The following TRAF5 variants were observed in gnomAD, a reference collection of about 807,000 sequenced individuals.
TRAF5 encodes TNF receptor associated factor 5.
TRAF5 carries 48 observed loss-of-function variants against 64.5 expected under a neutral mutation model. That is an observed-to-expected ratio of 0.74 (90% CI 0.59 to 0.95). The LOEUF (loss-of-function observed/expected upper bound fraction) is 0.95. TRAF5 is among the 40% of genes least tolerant of loss of function. The pLI, the probability that TRAF5 is intolerant of heterozygous loss-of-function variation, is 0.00. For missense variants in TRAF5, 545 were observed against 662.8 expected (o/e 0.82, Z 1.95); for synonymous variants, 206 against 240.5 (o/e 0.86, Z 1.33).
intron 1 of TRAF5, among the ~76,000 whole-genome samples, chr1:211,333,567 G>A (rs555821007): frequency 6.6e-5 from 10 of 151,992 alleles, no homozygotes; most frequent in South Asian, 6.2e-4. Flanking sequence ...GTGCAATCTC[G>A]GGTCACTGCA....
intron 1 of TRAF5, among the ~76,000 whole-genome samples, chr1:211,343,553 C>T (rs1702504540): frequency 6.6e-6 from 1 of 152,146 alleles, no homozygotes; most frequent in African/African-American, 2.4e-5. Context: ...TCCGGAATGG[C>T]TGGGATTACA....
intron 1 of TRAF5, among the ~76,000 whole-genome samples, chr1:211,334,398 C>T (rs2102712192): frequency 6.6e-6 from 1 of 152,348 alleles, no homozygotes; most frequent in Admixed American, 6.5e-5. Flanking sequence ...GTGGCTCATG[C>T]CTGTAATCCC....
At chr1:211,364,616 G>A (rs1703288409) in intron 7 of TRAF5, among the ~76,000 whole-genome samples, 1 of 152,090 alleles carries the variant, frequency 6.6e-6, no homozygotes, top group African/African-American at 2.4e-5. Flanking sequence ...AACCCAGGAG[G>A]TGGAGGTTGC....
chr1:211,331,004 CATG>C (rs1702141795), intron 1 of TRAF5, among the ~76,000 whole-genome samples: 1 of 152,178 alleles, frequency 6.6e-6, no homozygotes, highest in African/African-American at 2.4e-5. Flanking sequence ...GAATCTTCAC[CATG>C]ATGTTTCAGA....
At chr1:211,336,113 CTA>C (rs1294601885) in intron 1 of TRAF5, among the ~76,000 whole-genome samples, 1 of 152,082 alleles carries the variant, frequency 6.6e-6, no homozygotes, top group Non-Finnish European at 1.5e-5. Context: ...TGGCTTTGTG[CTA>C]TGTTATTGTG....
rs781584528 is a variant in TRAF5 at position 211,373,243 on chromosome 1, C to A, written c.*541C>A. The A allele has an allele frequency of 3.9e-5, 6 of 152,108 alleles. No homozygotes were observed. Among genetic ancestry groups the A allele is most frequent in the Non-Finnish European group, 7.3e-5 (5 of 68,102 alleles). The allele number at this position is 152,108 out of a possible 1,614,324, so 9.4% of individuals were successfully genotyped here. A position where few individuals can be genotyped will look rare whatever the true frequency, so the allele number is the denominator to read the frequency against. ...TGCTAAATATATGAAAATTACTATA[C>A]CTCTAAGTATTTTCATGAAATTCAC... is the stretch of plus-strand genomic sequence containing the variant. On this transcript the variant is annotated 3_prime_UTR_variant, in exon 11 of 11. Coordinates refer to ENST00000261464, the MANE Select transcript of TRAF5 (RefSeq NM_001033910.3).
In TRAF5 at chr1:211,372,372, G is replaced by A. The variant is rs1327059723; in HGVS notation, c.1344G>A (p.Leu448=). The A allele has an allele frequency of 1.2e-6, 2 of 1,614,156 alleles. No homozygotes were observed. Among genetic ancestry groups the A allele is most frequent in the African/African-American group, 1.3e-5 (1 of 75,042 alleles). Reference sequence around the variant, plus strand: ...ACCGGCTCTGTGCTAGAGCATACCTGAATGGGGATGGGTCAGGGAGGGGGT... The same window carrying A: ...ACCGGCTCTGTGCTAGAGCATACCTAAATGGGGATGGGTCAGGGAGGGGGT... ...CGYRLCARAY[L]NGDGSGRGSH... The change falls in exon 11 of 11, where the codon CTG becomes CTA. Residue 448 remains leucine (L), a synonymous_variant. Coordinates refer to ENST00000261464, the MANE Select transcript of TRAF5 (RefSeq NM_001033910.3).
intron 7 of TRAF5, among the ~76,000 whole-genome samples, chr1:211,362,788 C>T (rs1393711707): frequency 2.0e-5 from 3 of 152,078 alleles, no homozygotes; most frequent in South Asian, 2.1e-4. Context: ...TTTAAAACTT[C>T]TGTATGATTT....
intron 1 of TRAF5, among the ~76,000 whole-genome samples, chr1:211,349,082 C>T (rs916147253): frequency 6.6e-6 from 1 of 150,548 alleles, no homozygotes; most frequent in African/African-American, 2.4e-5. Context: ...GTGGCACGCA[C>T]CTGTAGTCCT....
At chr1:211,357,854 A>ATC (rs1572080091) in intron 4 of TRAF5, 1 of 151,976 alleles carries the variant, frequency 6.6e-6, no homozygotes, top group East Asian at 1.9e-4. Flanking sequence ...TAATAATAAT[A>ATC]ATCATCATCA....
intron 1 of TRAF5, among the ~76,000 whole-genome samples, chr1:211,349,331 T>C (rs1267591391): frequency 6.6e-6 from 1 of 152,212 alleles, no homozygotes; most frequent in African/African-American, 2.4e-5. Context: ...GGCTGAGAAG[T>C]CCACAATCAA....
chr1:211,348,390 T>C (rs1471397692), intron 1 of TRAF5, among the ~76,000 whole-genome samples: 2 of 152,238 alleles, frequency 1.3e-5, no homozygotes, highest in African/African-American at 4.8e-5. Context: ...TGAATAGATA[T>C]AATTTGCGTA....
intron 1 of TRAF5, among the ~76,000 whole-genome samples, chr1:211,328,583 T>C (rs1702079186): frequency 6.6e-6 from 1 of 151,912 alleles, no homozygotes; most frequent in Non-Finnish European, 1.5e-5. Context: ...TGCCGTCCAC[T>C]GAACGTCCTG....
At chr1:211,335,142 T>C (rs1416043019) in intron 1 of TRAF5, among the ~76,000 whole-genome samples, 1 of 152,144 alleles carries the variant, frequency 6.6e-6, no homozygotes, top group East Asian at 1.9e-4. Flanking sequence ...TCTAAGGCAG[T>C]GAGTGAGCTG....
intron 9 of TRAF5, 134 bp downstream of exon 9, chr1:211,369,726 C>A: frequency 2.0e-6 from 2 of 1,002,016 alleles, no homozygotes; most frequent in African/African-American, 1.7e-5. Flanking sequence ...GCAAAGAACA[C>A]TTGTATAACC....
intron 1 of TRAF5, among the ~76,000 whole-genome samples, chr1:211,352,027 C>T (rs1322815651): frequency 6.6e-6 from 1 of 152,056 alleles, no homozygotes; most frequent in Non-Finnish European, 1.5e-5. Context: ...GGCTGAGCCA[C>T]AAAGATCACT....
intron 4 of TRAF5, chr1:211,358,839 C>T (rs1558143319): frequency 2.0e-5 from 3 of 146,524 alleles, no homozygotes; most frequent in Non-Finnish European, 4.5e-5. Context: ...ATATTAAATA[C>T]TATAATATAT....
At position 211,343,676 on chromosome 1, in the gene TRAF5, C is replaced by G. The variant is rs142560341; in HGVS notation, c.-1-9563C>G. ...TTGTAATCCTAACCCATATCTGACT[C>G]CAGCCTTAGGCTCCATTCACTTCTT... On this transcript the variant is annotated intron_variant, in intron 1 of 10. Coordinates refer to ENST00000261464, the MANE Select transcript of TRAF5 (RefSeq NM_001033910.3). 3.0e-3 allele frequency among the ~76,000 whole-genome samples: 461 copies of G among 152,278 alleles called. 4 individuals carry two copies. Among genetic ancestry groups the G allele is most frequent in the African/African-American group, 0.01 (432 of 41,544 alleles).
At chr1:211,354,295 C>T in intron 2 of TRAF5, 115 bp from the exon 3 acceptor site, 2 of 875,364 alleles carry the variant, frequency 2.3e-6, no homozygotes, top group Non-Finnish European at 3.6e-6. Context: ...ACAGCATGTG[C>T]AGACAGGGAC....
Sources: gnomAD v4.1 joint callset for allele counts (sites outside exome capture counted in the v4.1 genomes callset) on GRCh38, gnomAD v4.1.1 for gene constraint, MANE v1.5 for transcripts, NCBI Gene and HGNC (gene_info 2026-07-23, HGNC 2026-07-21) for gene names.